MORN1: variants seen among roughly 807,000 people sequenced by gnomAD.
MORN1 encodes the protein MORN repeat-containing protein 1.
A neutral mutation model predicts 61.9 loss-of-function variants in MORN1; 67 were observed. That is an observed-to-expected ratio of 1.08 (90% CI 0.89 to 1.33). The LOEUF (loss-of-function observed/expected upper bound fraction) is 1.33, where lower values mean the gene tolerates loss of function less well. Ranked by LOEUF, MORN1 falls within the 40% of genes most tolerant of loss-of-function variation. MORN1 has a pLI of 0.00. For synonymous variants in MORN1, 301 were observed against 292.0 expected, an observed-to-expected ratio of 1.03 and a Z score of -0.31; for missense variants, 752 against 691.2, an observed-to-expected ratio of 1.09 and a Z score of -0.99.
At chr1:2,353,253 T>A (rs1244255635) in intron 10 of MORN1, among the ~76,000 whole-genome samples, 1 of 152,262 alleles carries the variant, frequency 6.6e-6, no homozygotes, top group Non-Finnish European at 1.5e-5. Flanking sequence ...TGATTCCTAG[T>A]GTATTTTCCC....
At chr1:2,335,857 C>T (rs1056484517) in intron 12 of MORN1, among the ~76,000 whole-genome samples, 14 of 151,790 alleles carry the variant, frequency 9.2e-5, no homozygotes, top group Non-Finnish European at 1.8e-4. Context: ...GCGCAGCTGC[C>T]CCCAATTTGT....
At chr1:2,389,510 C>A (rs1357342084) in intron 2 of MORN1, among the ~76,000 whole-genome samples, 3 of 152,232 alleles carry the variant, frequency 2.0e-5, no homozygotes, top group Non-Finnish European at 4.4e-5. Flanking sequence ...TCAAGTGATC[C>A]GCCCACCTTG....
chr1:2,340,753 C>T (rs541565041), intron 10 of MORN1, among the ~76,000 whole-genome samples: 72 of 152,230 alleles, frequency 4.7e-4, no homozygotes, highest in African/African-American at 1.5e-3. Context: ...GACTGCCACA[C>T]AGGCCACGGC....
intron 12 of MORN1, chr1:2,326,098 C>G (rs1446189020): frequency 2.6e-5 from 4 of 152,196 alleles, no homozygotes; most frequent in African/African-American, 9.7e-5. Flanking sequence ...AGGGGGTCAA[C>G]AGCCCACCCA....
chr1:2,391,506 T>G lies in MORN1; in HGVS notation c.28A>C (p.Ser10Arg). The G allele has an allele frequency of 8.0e-7, 1 of 1,249,872 alleles. No individual in the cohort carries two copies. The highest frequency in any genetic ancestry group is 1.0e-6 in the Non-Finnish European group (1 of 991,590). The allele number at this position is 1,249,872 out of a possible 1,614,324, so 77.4% of individuals were successfully genotyped here. Residue 10 changes from serine (S) to arginine (R), a missense_variant, in exon 1 of 14, where the codon AGC becomes CGC. Ser to Arg is a moderately radical substitution (Grantham distance 110, BLOSUM62 -1). Transcript: ENST00000378531. Reference protein sequence around the residue: MAAAGEGTPSSRGPRRDPPR... With the variant: MAAAGEGTPRSRGPRRDPPR... ...GGGTCCCGACGCGGCCCGCGGGAGC[T>G]CGGGGTGCCCTCGCCCGCCGCTGCC...
At position 2,331,983 on chromosome 1, in the gene MORN1, CCTGCGCCTCTCCCGCCG is replaced by C. The variant is rs1433110720; in HGVS notation, c.1250+4469_1250+4485del. 105 of 129,324 alleles carry C rather than the reference CCTGCGCCTCTCCCGCCG, an allele frequency of 8.1e-4. 4 individuals carry two copies. Among genetic ancestry groups the C allele is most frequent in the East Asian group, 3.0e-3 (11 of 3,608 alleles). 8.0% of individuals were successfully genotyped at this position (129,324 alleles called of 1,614,324 possible). A position where few individuals can be genotyped will look rare whatever the true frequency, so the allele number is the denominator to read the frequency against. On this transcript the variant is annotated intron_variant, in intron 12 of 13. Transcript: ENST00000378531. ...CTCTCCCTCGTGCGCCTCTCCCGCCCCTGCGCCTCTCCCGCCGCTGCGCCTCTCCCGCCGCTGCGCCT... is the reference window on the plus strand; with the variant it reads ...CTCTCCCTCGTGCGCCTCTCCCGCCCCTGCGCCTCTCCCGCCGCTGCGCCT...
Position 2,357,554 on chromosome 1 carries a change from C to A in MORN1, c.914G>T (p.Gly305Val), listed in dbSNP as rs750744122. The stretch of plus-strand genomic sequence containing the variant: ...CTTGGCAGCTCTGGGCCCCGGCACC[C>A]CAGCTGCGGGGCTGGACACAGGATA... ...IPYPVSSPAAGVPGPRAAKGG... is the reference protein window; with the variant it reads ...IPYPVSSPAAVVPGPRAAKGG... The change falls in exon 10 of 14, where the codon GGG becomes GTG. Residue 305 changes from glycine to valine, a missense_variant. Gly to Val is a moderately radical substitution (Grantham distance 109, BLOSUM62 -3). Transcript: ENST00000378531. The surrounding 1 kb of genome is among the most constrained non-coding windows in gnomAD (Gnocchi z 6.3). 17 of 1,611,852 alleles carry A rather than the reference C, an allele frequency of 1.1e-5. No homozygotes were observed. The highest frequency in any genetic ancestry group is 1.4e-5 in the Non-Finnish European group (17 of 1,179,174).
chr1:2,390,806 C>T, intron 1 of MORN1: 1 of 944,454 alleles, frequency 1.1e-6, no homozygotes, highest in Non-Finnish European at 1.3e-6. Context: ...TGGGGTGCAG[C>T]GGCGCGATCT....
At position 2,324,778 on chromosome 1, in the gene MORN1, G is replaced by T. The variant is rs189303382; in HGVS notation, c.1251-635C>A. On this transcript the variant is annotated intron_variant, in intron 12 of 13. Coordinates refer to ENST00000378531, the MANE Select transcript of MORN1 (RefSeq NM_024848.3). ...CTCCTGCCCTGAGGCAGTCTCTGGG[G>T]GGGCCCACCACCCACCAGGGTTTCT... Among the ~76,000 whole-genome samples the T allele has an allele frequency of 2.7e-4, 41 of 152,246 alleles. 1 individual carries two copies. The East Asian group carries it at 6.8e-3, about 25-fold the overall frequency.
chr1:2,339,313 C>T (rs560673671), intron 10 of MORN1, among the ~76,000 whole-genome samples: 18 of 152,268 alleles, frequency 1.2e-4, no homozygotes, highest in Admixed American at 2.6e-4. Context: ...CACGGGTCCA[C>T]GGAGGGGGCG....
chr1:2,333,751 C>T (rs763376981), intron 12 of MORN1, among the ~76,000 whole-genome samples: 60 of 152,344 alleles, frequency 3.9e-4, no homozygotes, highest in Non-Finnish European at 5.0e-4. Context: ...CCCTGCCTGC[C>T]GACAGTGAGC....
At chr1:2,368,557 T>C (rs1049066333) in intron 8 of MORN1, among the ~76,000 whole-genome samples, 3 of 152,200 alleles carry the variant, frequency 2.0e-5, no homozygotes. Flanking sequence ...GCTTCCTCCC[T>C]GACCCTGTTT....
chr1:2,353,012 G>A (rs1182223329), intron 10 of MORN1, among the ~76,000 whole-genome samples: 1 of 152,224 alleles, frequency 6.6e-6, no homozygotes, highest in African/African-American at 2.4e-5. Context: ...GGTAAGCACA[G>A]AGGTGGAAAC....
At chr1:2,340,809 C>T (rs535793660) in intron 10 of MORN1, among the ~76,000 whole-genome samples, 91 of 152,330 alleles carry the variant, frequency 6.0e-4, no homozygotes, top group African/African-American at 2.1e-3. Flanking sequence ...TGAGGGCCGC[C>T]ATACAGGCTG....
At chr1:2,327,135 AAC>A (rs1386445257) in intron 12 of MORN1, among the ~76,000 whole-genome samples, 1 of 119,066 alleles carries the variant, frequency 8.4e-6, no homozygotes, top group Non-Finnish European at 1.7e-5. Flanking sequence ...CAAACACAGA[AAC>A]ACAGAGACAC....
At chr1:2,384,929 C>G in intron 6 of MORN1, 49 bp downstream of exon 6, 2 of 1,480,632 alleles carry the variant, frequency 1.4e-6, no homozygotes, top group Non-Finnish European at 1.8e-6. Flanking sequence ...CCCTGCCCAC[C>G]ACGAGGCCTG....
rs376472491 is a variant in MORN1, at chr1:2,322,025, C to T, written c.1298-446G>A. The T allele has an allele frequency of 1.3e-5, 13 of 985,126 alleles. No homozygotes were observed. In the South Asian group the frequency reaches 2.8e-4, roughly 21 times the overall value. The allele number at this position is 985,126 out of a possible 1,614,324, so 61.0% of individuals were successfully genotyped here. A position where few individuals can be genotyped will look rare whatever the true frequency, so the allele number is the denominator to read the frequency against. On this transcript the variant is annotated intron_variant, in intron 13 of 13. Transcript: ENST00000378531. ...TAAACTGTTTTTAAAAATAACGAACCCTCTGAAGGCTGGTGTGTCTGGTTT... is the reference window on the plus strand; with the variant it reads ...TAAACTGTTTTTAAAAATAACGAACTCTCTGAAGGCTGGTGTGTCTGGTTT...
At chr1:2,387,645 C>T in intron 3 of MORN1, 116 bp from the exon 4 acceptor site, 1 of 726,246 alleles carries the variant, frequency 1.4e-6, no homozygotes, top group Non-Finnish European at 2.4e-6. Context: ...AATGGACGTC[C>T]CTGCCTCCAT....
Position 2,330,052 on chromosome 1 carries a change from C to T in MORN1, c.1251-5909G>A, listed in dbSNP as rs114588325. 7.6e-3 allele frequency among the ~76,000 whole-genome samples: 1,164 copies of T among 152,322 alleles called. 14 individuals carry two copies. The highest frequency in any genetic ancestry group is 0.026 in the African/African-American group (1,099 of 41,572). On this transcript the variant is annotated intron_variant, in intron 12 of 13. Coordinates refer to ENST00000378531, the MANE Select transcript of MORN1 (RefSeq NM_024848.3). ...ACTGCCTATTTGCCCATCTTGGGGCCAGGGTGGGAGCAGTTACTGGGCTTC... is the reference window on the plus strand; with the variant it reads ...ACTGCCTATTTGCCCATCTTGGGGCTAGGGTGGGAGCAGTTACTGGGCTTC...
Sources: gnomAD v4.1 joint callset for allele counts (sites outside exome capture counted in the v4.1 genomes callset) on GRCh38, gnomAD v4.1.1 for gene constraint, Gnocchi (gnomAD v3.1) non-coding constraint, MANE v1.5 for transcripts, NCBI Gene and HGNC (gene_info 2026-07-23, HGNC 2026-07-21) for gene names.